Variants in TCF20 observed in about 807,000 individuals in gnomAD.
TCF20 encodes SPRE-binding protein.
In TCF20, 3 loss-of-function variants were observed where a neutral mutation model predicts 148.6. The ratio of observed to expected loss-of-function variants is 0.02; its 90% CI spans 0.01 to 0.05. The LOEUF (loss-of-function observed/expected upper bound fraction) is 0.05, where lower values mean the gene tolerates loss of function less well. TCF20 is among the 10% of genes least tolerant of loss of function. The pLI, the probability that TCF20 is intolerant of heterozygous loss-of-function variation, is 1.00. For missense variants in TCF20, 2,350 were observed against 2,429.3 expected (o/e 0.97, Z 0.69); for synonymous variants, 1,049 against 909.5 (o/e 1.15, Z -2.76).
At chr22:42,257,242 G>A (rs1601671111) in intron 1 of TCF20, among the ~76,000 whole-genome samples, 2 of 152,172 alleles carry the variant, frequency 1.3e-5, no homozygotes, top group Admixed American at 6.5e-5. Context: ...CACCTAAACC[G>A]CTAATATTCC....
At chr22:42,240,583 A>C (rs1477440824) in intron 1 of TCF20, among the ~76,000 whole-genome samples, 1 of 152,236 alleles carries the variant, frequency 6.6e-6, no homozygotes, top group East Asian at 1.9e-4. Flanking sequence ...AATATCCTGA[A>C]AAAGATGGAA....
chr22:42,177,097 T>C (rs1291272746), intron 3 of TCF20, among the ~76,000 whole-genome samples: 1 of 152,136 alleles, frequency 6.6e-6, no homozygotes, highest in South Asian at 2.1e-4. Flanking sequence ...GAGCACCCCA[T>C]ATCTACAATT....
chr22:42,277,753 G>A (rs1007628431), intron 1 of TCF20, among the ~76,000 whole-genome samples: 1 of 152,208 alleles, frequency 6.6e-6, no homozygotes, highest in Non-Finnish European at 1.5e-5. Context: ...GTATTTAGAC[G>A]CGATCCTGCC....
At chr22:42,296,018 C>T (rs1292500840) in intron 1 of TCF20, among the ~76,000 whole-genome samples, 1 of 152,200 alleles carries the variant, frequency 6.6e-6, no homozygotes, top group African/African-American at 2.4e-5. Context: ...TCTTGCCTTC[C>T]CCGTTTTCTA....
intron 1 of TCF20, among the ~76,000 whole-genome samples, chr22:42,282,374 G>A (rs1926920154): frequency 6.6e-6 from 1 of 152,216 alleles, no homozygotes; most frequent in African/African-American, 2.4e-5. Flanking sequence ...TACCATGGCC[G>A]CTTCCTGGCC....
intron 1 of TCF20, among the ~76,000 whole-genome samples, chr22:42,283,470 C>T (rs1926956232): frequency 1.3e-5 from 2 of 152,164 alleles, no homozygotes; most frequent in African/African-American, 4.8e-5. Context: ...GGGCCCTGCC[C>T]TTCACGCCCC....
At chr22:42,161,486 G>T in intron 5 of TCF20, 128 bp from the exon 6 acceptor site, 2 of 1,229,776 alleles carry the variant, frequency 1.6e-6, no homozygotes, top group Non-Finnish European at 1.2e-6. Flanking sequence ...CTGCAGATGT[G>T]CTGCTGATAT....
chr22:42,186,006 C>A (rs557751938), intron 2 of TCF20, among the ~76,000 whole-genome samples: 1 of 152,236 alleles, frequency 6.6e-6, no homozygotes, highest in Admixed American at 6.5e-5. Flanking sequence ...GATTTAGAAT[C>A]TGCACTTATG....
At chr22:42,242,617 T>G (rs535192530) in intron 1 of TCF20, among the ~76,000 whole-genome samples, 7 of 151,598 alleles carry the variant, frequency 4.6e-5, no homozygotes, top group African/African-American at 1.7e-4. Flanking sequence ...CCAGGCGAGG[T>G]GGCTCACACC....
At chr22:42,305,175 G>A (rs1457084749) in intron 1 of TCF20, among the ~76,000 whole-genome samples, 1 of 152,040 alleles carries the variant, frequency 6.6e-6, no homozygotes, top group Non-Finnish European at 1.5e-5. Context: ...TCAGACCCAC[G>A]CTCCAGCTCC....
rs1271815270 is a variant in TCF20, at chr22:42,210,268, T to C, written c.5038A>G (p.Lys1680Glu). Residue 1680 changes from lysine to glutamate, a missense_variant, in exon 2 of 6, where the codon AAG (lysine) becomes GAG (glutamate). Around this residue, in one of 7 missense-constraint regions of TCF20, gnomAD observed 374 missense variants for 398.3 expected, o/e 0.94. Transcript: ENST00000677622. This position sits in a 1 kb window ranked among gnomAD's most constrained non-coding sequence, Gnocchi z 4.7. ...ATAAAGGACGAGGCCGGGAGCGCCTTGCTTTCAGTGCTGCTAGGTGGAGGG... is the reference window on the plus strand; with the variant it reads ...ATAAAGGACGAGGCCGGGAGCGCCTCGCTTTCAGTGCTGCTAGGTGGAGGG... ...LTPPPSSTES[K>E]ALPASSFMLQ... 3 of 1,614,204 alleles carry C rather than the reference T, an allele frequency of 1.9e-6. No homozygotes were observed. Among genetic ancestry groups the C allele is most frequent in the Non-Finnish European group, 2.5e-6 (3 of 1,180,040 alleles).
intron 1 of TCF20, among the ~76,000 whole-genome samples, chr22:42,226,578 A>G (rs1018281853): frequency 1.3e-5 from 2 of 151,960 alleles, no homozygotes; most frequent in African/African-American, 4.8e-5. Flanking sequence ...GGTGGCGGAA[A>G]CCTATAATCC....
rs565979163 is a variant in TCF20, at chr22:42,215,465, C to G, written c.-36-124G>C. 9.7e-4 allele frequency: 1,210 copies of G among 1,247,976 alleles called. 2 individuals carry two copies. Among genetic ancestry groups the G allele is most frequent in the Middle Eastern group, 5.6e-3 (19 of 3,408 alleles). The allele number at this position is 1,247,976 out of a possible 1,614,324, so 77.3% of individuals were successfully genotyped here. ...AGATGAAGCTGACTGGTTTGAATTT[C>G]TATTTTTTTTTTTTGGTTTTTTGAG... On this transcript the variant is annotated intron_variant, in intron 1 of 5. Transcript: ENST00000677622.
chr22:42,206,783 TTTCACA>T (rs1156704990), intron 2 of TCF20, among the ~76,000 whole-genome samples: 2 of 152,198 alleles, frequency 1.3e-5, no homozygotes, highest in Non-Finnish European at 2.9e-5. Flanking sequence ...CAAATATATA[TTTCACA>T]TTCAATATAA....
At chr22:42,235,861 C>CT (rs1446685267) in intron 1 of TCF20, among the ~76,000 whole-genome samples, 2 of 152,178 alleles carry the variant, frequency 1.3e-5, no homozygotes, top group Non-Finnish European at 2.9e-5. Flanking sequence ...TTACCACCCT[C>CT]TTTCCCTCTC....
At chr22:42,301,718 C>G (rs1927339624) in intron 1 of TCF20, among the ~76,000 whole-genome samples, 1 of 152,212 alleles carries the variant, frequency 6.6e-6, no homozygotes, top group South Asian at 2.1e-4. Context: ...CTGGGGAGAC[C>G]TGGCTGCGTC....
chr22:42,175,655 G>C (rs1346163225), intron 3 of TCF20, among the ~76,000 whole-genome samples: 3 of 151,870 alleles, frequency 2.0e-5, no homozygotes, highest in Non-Finnish European at 2.9e-5. Context: ...GTTAGCTCTT[G>C]AAAGAGAAGG....
chr22:42,301,828 T>C (rs1927341567), intron 1 of TCF20, among the ~76,000 whole-genome samples: 1 of 152,152 alleles, frequency 6.6e-6, no homozygotes, highest in Non-Finnish European at 1.5e-5. Context: ...CCTGGTAGAT[T>C]TCAGTTCTCC....
At chr22:42,268,908 A>G (rs1342296592) in intron 1 of TCF20, among the ~76,000 whole-genome samples, 2 of 152,254 alleles carry the variant, frequency 1.3e-5, no homozygotes, top group Non-Finnish European at 2.9e-5. Flanking sequence ...CAGCTAAGGT[A>G]CAGTCTGCAT....
Sources: allele counts gnomAD v4.1 joint callset (sites outside exome capture counted in the v4.1 genomes callset), GRCh38; gene constraint gnomAD v4.1.1; regional missense constraint gnomAD v4.1.1; non-coding constraint Gnocchi (gnomAD v3.1); transcripts MANE v1.5; gene names NCBI Gene and HGNC (gene_info 2026-07-23, HGNC 2026-07-21).